The following SPRR2G variants were observed in gnomAD, a reference collection of about 807,000 sequenced individuals.
SPRR2G encodes small proline rich protein 2G.
A neutral mutation model predicts 0.7 loss-of-function variants in SPRR2G; 1 was observed. The observed-to-expected ratio is 1.49, with a 90% CI of 0.53 to 7.06. SPRR2G has a LOEUF of 7.06. Among genes scored for constraint, SPRR2G ranks in the 30% most tolerant of loss-of-function variants. SPRR2G has a pLI of 0.14. For missense variants in SPRR2G, 96 were observed against 88.5 expected (o/e 1.09, Z -0.34); for synonymous variants, 38 against 33.9 (o/e 1.12, Z -0.42).
chr1:153,190,938 G>C, the SPRR2G span: 1 of 151,726 alleles, frequency 6.6e-6, no homozygotes, highest in Admixed American at 6.6e-5. Context: ...TCTGCTCTTT[G>C]CTGGAGATGT....
chr1:153,186,388 C>CTTTA, the SPRR2G span, among the ~76,000 whole-genome samples: 1 of 152,168 alleles, frequency 6.6e-6, no homozygotes, highest in Non-Finnish European at 1.5e-5. Context: ...CTTTATGAAT[C>CTTTA]TGGGTGCTCC....
chr1:153,161,234 T>TA, the SPRR2G span, among the ~76,000 whole-genome samples: 2 of 46,010 alleles, frequency 4.3e-5, no homozygotes, highest in African/African-American at 9.7e-5. Flanking sequence ...TAAAGTATAA[T>TA]AAAAAATAAT....
the SPRR2G span, among the ~76,000 whole-genome samples, chr1:153,195,807 A>G: frequency 6.6e-6 from 1 of 151,872 alleles, no homozygotes; most frequent in African/African-American, 2.4e-5. Flanking sequence ...ACTCTATCTC[A>G]CTCATCACAC....
At chr1:153,173,954 G>C in the SPRR2G span, among the ~76,000 whole-genome samples, 1 of 152,210 alleles carries the variant, frequency 6.6e-6, no homozygotes, top group African/African-American at 2.4e-5. Flanking sequence ...CAGTAATTCA[G>C]AGGCATTCAC....
chr1:153,196,766 C>T, the SPRR2G span, among the ~76,000 whole-genome samples: 66 of 152,360 alleles, frequency 4.3e-4, 1 homozygote, highest in African/African-American at 1.5e-3. Context: ...AAAGAGATCT[C>T]GCTTTGTGCC....
At chr1:153,165,037 T>C in the SPRR2G span, among the ~76,000 whole-genome samples, 1 of 152,162 alleles carries the variant, frequency 6.6e-6, no homozygotes, top group Non-Finnish European at 1.5e-5. Flanking sequence ...TTAGGTCCTC[T>C]GAGAAAAGGA....
At chr1:153,170,827 T>G in the SPRR2G span, among the ~76,000 whole-genome samples, 2 of 152,144 alleles carry the variant, frequency 1.3e-5, no homozygotes, top group African/African-American at 4.8e-5. Flanking sequence ...GAGCCACCTC[T>G]GCATATGGTG....
chr1:153,183,430 A>G, the SPRR2G span, among the ~76,000 whole-genome samples: 3 of 151,936 alleles, frequency 2.0e-5, no homozygotes, highest in Non-Finnish European at 2.9e-5. Flanking sequence ...GTGAGATGGT[A>G]TCTCATTGTG....
At chr1:153,162,576 C>T in the SPRR2G span, among the ~76,000 whole-genome samples, 1 of 152,132 alleles carries the variant, frequency 6.6e-6, no homozygotes, top group Non-Finnish European at 1.5e-5. Context: ...AATTAGCCCA[C>T]TGAAATGGTG....
the SPRR2G span, among the ~76,000 whole-genome samples, chr1:153,181,997 T>A: frequency 3.3e-5 from 5 of 152,178 alleles, no homozygotes. Context: ...GAAATCTCCA[T>A]ACTGTTACCC....
At chr1:153,185,252 A>G in the SPRR2G span, among the ~76,000 whole-genome samples, 2 of 150,412 alleles carry the variant, frequency 1.3e-5, no homozygotes, top group South Asian at 2.1e-4. Context: ...CTCTTTTTCT[A>G]TTGTTTGGAA....
chr1:153,200,193 C>T, the SPRR2G span, among the ~76,000 whole-genome samples: 44 of 152,162 alleles, frequency 2.9e-4, no homozygotes, highest in Admixed American at 5.9e-4. Flanking sequence ...TGAAATCATC[C>T]GTTAATAGTT....
the SPRR2G span, among the ~76,000 whole-genome samples, chr1:153,155,905 A>C: frequency 6.6e-6 from 1 of 152,238 alleles, no homozygotes. Flanking sequence ...CCTACCTAAG[A>C]GTCCCATAAA....
At chr1:153,157,134 A>T in the SPRR2G span, among the ~76,000 whole-genome samples, 10 of 152,308 alleles carry the variant, frequency 6.6e-5, no homozygotes, top group East Asian at 1.9e-3. Context: ...TGTAAGGAAA[A>T]CTAGCATAAG....
chr1:153,166,805 C>A, the SPRR2G span, among the ~76,000 whole-genome samples: 1 of 152,112 alleles, frequency 6.6e-6, no homozygotes, highest in South Asian at 2.1e-4. Context: ...CAACTGATAC[C>A]ATCCACACAG....
chr1:153,192,119 C>T, the SPRR2G span, among the ~76,000 whole-genome samples: 2 of 152,126 alleles, frequency 1.3e-5, no homozygotes, highest in Non-Finnish European at 2.9e-5. Flanking sequence ...GCTGATCTGA[C>T]GAGGGCTTCT....
the SPRR2G span, among the ~76,000 whole-genome samples, chr1:153,202,900 TGG>T: frequency 1.3e-5 from 2 of 151,966 alleles, no homozygotes; most frequent in Non-Finnish European, 2.9e-5. Flanking sequence ...ACAAAGACCC[TGG>T]TCAGGCCTTT....
the SPRR2G span, among the ~76,000 whole-genome samples, chr1:153,183,138 G>C: frequency 6.8e-6 from 1 of 147,614 alleles, no homozygotes; most frequent in Non-Finnish European, 1.5e-5. Context: ...GCATGATCTC[G>C]GCTCACCACA....
chr1:153,173,928 G>A, the SPRR2G span, among the ~76,000 whole-genome samples: 6 of 152,174 alleles, frequency 3.9e-5, no homozygotes, highest in Non-Finnish European at 8.8e-5. Context: ...AAAGGATGGG[G>A]CAGGAAAGAT....
Sources: allele counts gnomAD v4.1 joint callset (sites outside exome capture counted in the v4.1 genomes callset), GRCh38; gene constraint gnomAD v4.1.1; transcripts MANE v1.5; gene names NCBI Gene and HGNC (gene_info 2026-07-23, HGNC 2026-07-21).